Variants in DCDC2 observed in about 807,000 individuals in gnomAD.
DCDC2 encodes the protein doublecortin domain containing 2.
In DCDC2, 40 loss-of-function variants were observed where a neutral mutation model predicts 50.2. That is an observed-to-expected ratio of 0.80 (90% CI 0.62 to 1.04). The LOEUF is 1.04. Ranked by LOEUF, DCDC2 falls within the 50% of genes least tolerant of loss-of-function variation. The pLI, the probability that DCDC2 is intolerant of heterozygous loss-of-function variation, is 0.00. For missense variants in DCDC2, 570 were observed against 581.9 expected (o/e 0.98, Z 0.21); for synonymous variants, 234 against 210.6 (o/e 1.11, Z -0.96).
At chr6:24,200,653 T>C (rs1369721382) in intron 8 of DCDC2, among the ~76,000 whole-genome samples, 1 of 152,126 alleles carries the variant, frequency 6.6e-6, no homozygotes, top group African/African-American at 2.4e-5. Flanking sequence ...ATAACAATAT[T>C]AACCTTAAAT....
Position 24,224,338 on chromosome 6 carries a change from A to G in DCDC2, c.923-19236T>C, listed in dbSNP as rs553818839. On this transcript the variant is annotated intron_variant, in intron 7 of 9. Transcript: ENST00000378454. ...CAAAGAACCAGAGCCCTGCGCTTCA[A>G]AAGGAAATGGCTATGTATGCAACTG... 3.3e-5 allele frequency among the ~76,000 whole-genome samples: 5 copies of G among 152,310 alleles called. No homozygotes were observed. In the South Asian group the frequency reaches 8.3e-4, roughly 25 times the overall value.
intron 5 of DCDC2, among the ~76,000 whole-genome samples, chr6:24,290,077 TC>T (rs1763709580): frequency 7.5e-6 from 1 of 133,478 alleles, no homozygotes; most frequent in Non-Finnish European, 1.6e-5. Context: ...CACTGCAAGC[TC>T]CGCCTCCCGG....
At chr6:24,319,896 A>G (rs1172057769) in intron 2 of DCDC2, among the ~76,000 whole-genome samples, 3 of 152,168 alleles carry the variant, frequency 2.0e-5, no homozygotes, top group African/African-American at 7.2e-5. Context: ...TTTTAGGACC[A>G]TGGCAAATAA....
rs149580983 is a variant in DCDC2, at chr6:24,295,186, G to A, written c.558-4108C>T. ...ATTCAACATATGCAAATCAATAAAC[G>A]TGATTCACCACATAAACAGAACTTA... On this transcript the variant is annotated intron_variant, in intron 4 of 9. Coordinates refer to ENST00000378454, the MANE Select transcript of DCDC2 (RefSeq NM_016356.5). Among the ~76,000 whole-genome samples, 584 of 152,234 alleles carry A rather than the reference G, an allele frequency of 3.8e-3. 13 individuals carry two copies. The highest frequency in any genetic ancestry group is 0.027 in the Admixed American group (406 of 15,284).
At chr6:24,272,624 C>T (rs1763261324) in intron 7 of DCDC2, among the ~76,000 whole-genome samples, 1 of 152,150 alleles carries the variant, frequency 6.6e-6, no homozygotes, top group South Asian at 2.1e-4. Flanking sequence ...TGCTCAATGT[C>T]ACTAATCATC....
At chr6:24,225,188 C>T (rs2113778604) in intron 7 of DCDC2, among the ~76,000 whole-genome samples, 1 of 152,240 alleles carries the variant, frequency 6.6e-6, no homozygotes, top group South Asian at 2.1e-4. Flanking sequence ...TGTGAAATTG[C>T]ATAACTGCTG....
intron 2 of DCDC2, among the ~76,000 whole-genome samples, chr6:24,336,977 TAAAGATC>T (rs1158480221): frequency 6.6e-6 from 1 of 152,220 alleles, no homozygotes; most frequent in East Asian, 1.9e-4. Context: ...ATGAGGCTCA[TAAAGATC>T]AAAGAACTGA....
rs149906097 is a variant in DCDC2 at position 24,270,318 on chromosome 6, T to C, written c.922+7731A>G. 5.3e-5 allele frequency among the ~76,000 whole-genome samples: 8 copies of C among 152,334 alleles called. No homozygotes were observed. In the East Asian group the frequency reaches 1.5e-3, roughly 29 times the overall value. On this transcript the variant is annotated intron_variant, in intron 7 of 9. Coordinates refer to ENST00000378454, the MANE Select transcript of DCDC2 (RefSeq NM_016356.5). The stretch of plus-strand genomic sequence containing the variant: ...AATGCTGTTTATCCATTCTAAGTAT[T>C]TGTAAATGAAGCTTACAAAATATCA...
the DCDC2 span, among the ~76,000 whole-genome samples, chr6:24,379,379 A>G: frequency 1.3e-5 from 2 of 152,356 alleles, no homozygotes; most frequent in Admixed American, 1.3e-4. Context: ...AAGTGGGCAA[A>G]GGATATGAAC....
At chr6:24,329,335 G>A (rs1447739198) in intron 2 of DCDC2, among the ~76,000 whole-genome samples, 1 of 152,126 alleles carries the variant, frequency 6.6e-6, no homozygotes, top group African/African-American at 2.4e-5. Context: ...TCATTTGTTT[G>A]TTTTCCTGAG....
chr6:24,261,093 T>C (rs1762998899), intron 7 of DCDC2, among the ~76,000 whole-genome samples: 1 of 152,204 alleles, frequency 6.6e-6, no homozygotes, highest in Admixed American at 6.5e-5. Flanking sequence ...GAATAGTAAT[T>C]CATTTTAAGA....
chr6:24,276,118 C>T (rs534201454), intron 7 of DCDC2, among the ~76,000 whole-genome samples: 1 of 152,134 alleles, frequency 6.6e-6, no homozygotes, highest in African/African-American at 2.4e-5. Context: ...GACTACCCAC[C>T]TTGGCCTCTC....
At chr6:24,190,191 C>G (rs1026644446) in intron 8 of DCDC2, among the ~76,000 whole-genome samples, 1 of 152,046 alleles carries the variant, frequency 6.6e-6, no homozygotes, top group African/African-American at 2.4e-5. Flanking sequence ...TGGCCAGTCA[C>G]CTGGAAGCTG....
At chr6:24,205,293 A>G in intron 7 of DCDC2, 191 bp from the exon 8 acceptor site, 1 of 1,548,132 alleles carries the variant, frequency 6.5e-7, no homozygotes, top group Non-Finnish European at 8.7e-7. Context: ...TTGAGAAAAC[A>G]TTCAGTGGTC....
At chr6:24,323,250 G>C (rs1236101697) in intron 2 of DCDC2, among the ~76,000 whole-genome samples, 3 of 152,172 alleles carry the variant, frequency 2.0e-5, no homozygotes, top group African/African-American at 7.2e-5. Context: ...TCAAGGTCAT[G>C]AAAGACTGAG....
chr6:24,336,653 T>C (rs547165172), intron 2 of DCDC2, among the ~76,000 whole-genome samples: 3 of 152,228 alleles, frequency 2.0e-5, no homozygotes, highest in Non-Finnish European at 4.4e-5. Context: ...TTAATGTGCA[T>C]TTGCATTTTC....
In DCDC2 at chr6:24,176,158, G is replaced by T. The variant is rs557582558; in HGVS notation, c.1327-1324C>A. Among the ~76,000 whole-genome samples, 7 of 152,194 alleles carry T rather than the reference G, an allele frequency of 4.6e-5. No individual in the cohort carries two copies. In the South Asian group the frequency reaches 1.5e-3, roughly 32 times the overall value. ...TTAAAAAATATGTATATATGGCCTG[G>T]CATGGTGGCACCTGTGGGCCCAGCT... On this transcript the variant is annotated intron_variant, in intron 9 of 9. Transcript: ENST00000378454.
chr6:24,356,481 T>C (rs897764280), intron 1 of DCDC2, among the ~76,000 whole-genome samples: 5 of 152,114 alleles, frequency 3.3e-5, no homozygotes, highest in African/African-American at 1.2e-4. Context: ...TGGTGATGGT[T>C]GCACAACTCT....
chr6:24,217,097 C>G (rs748064369), intron 7 of DCDC2, among the ~76,000 whole-genome samples: 1 of 151,994 alleles, frequency 6.6e-6, no homozygotes, highest in Non-Finnish European at 1.5e-5. Flanking sequence ...TAAAAAACTC[C>G]TTAGCTTCAG....
Sources: gnomAD v4.1 joint callset for allele counts (sites outside exome capture counted in the v4.1 genomes callset) on GRCh38, gnomAD v4.1.1 for gene constraint, MANE v1.5 for transcripts, NCBI Gene and HGNC (gene_info 2026-07-23, HGNC 2026-07-21) for gene names.